TMEM131: variants seen among roughly 807,000 people sequenced by gnomAD.
TMEM131 encodes 2610524E03Rik.
TMEM131 carries 66 observed loss-of-function variants against 211.6 expected under a neutral mutation model. The ratio of observed to expected loss-of-function variants is 0.31; its 90% CI spans 0.26 to 0.38. The LOEUF (loss-of-function observed/expected upper bound fraction) is 0.38, where lower values mean the gene tolerates loss of function less well. TMEM131 is among the 10% of genes least tolerant of loss of function. TMEM131 has a pLI of 1.00. For synonymous variants in TMEM131, 844 were observed against 841.3 expected, an observed-to-expected ratio of 1.00 and a Z score of -0.06; for missense variants, 2,036 against 2,299.3, an observed-to-expected ratio of 0.89 and a Z score of 2.34.
At chr2:97,793,307 A>G in intron 30 of TMEM131, 88 bp downstream of exon 30, 1 of 1,391,038 alleles carries the variant, frequency 7.2e-7, no homozygotes, top group Non-Finnish European at 9.8e-7. Context: ...TCTCCTGAGC[A>G]AAGATGAAAA....
intron 1 of TMEM131, among the ~76,000 whole-genome samples, chr2:97,949,384 G>C (rs1678194500): frequency 6.6e-6 from 1 of 152,052 alleles, no homozygotes; most frequent in South Asian, 2.1e-4. Flanking sequence ...TCTACAAAGG[G>C]TCACAAGGAA....
chr2:97,969,999 A>G (rs1679228010), intron 1 of TMEM131, among the ~76,000 whole-genome samples: 1 of 152,184 alleles, frequency 6.6e-6, no homozygotes, highest in African/African-American at 2.4e-5. Flanking sequence ...ATTCCATTCC[A>G]TTCTCCTTGT....
chr2:97,815,581 T>C (rs1681784975), intron 12 of TMEM131, among the ~76,000 whole-genome samples: 1 of 152,230 alleles, frequency 6.6e-6, no homozygotes, highest in Admixed American at 6.5e-5. Flanking sequence ...TGCTTTGCTG[T>C]AGCCACAGGC....
intron 3 of TMEM131, among the ~76,000 whole-genome samples, chr2:97,901,960 C>T (rs1046332680): frequency 1.3e-5 from 2 of 152,052 alleles, no homozygotes; most frequent in Non-Finnish European, 2.9e-5. Flanking sequence ...GGAAATGTTC[C>T]TAACACAAAG....
At chr2:97,773,187 C>T (rs567883436) in intron 32 of TMEM131, among the ~76,000 whole-genome samples, 3 of 152,326 alleles carry the variant, frequency 2.0e-5, no homozygotes, top group East Asian at 3.9e-4. Flanking sequence ...CGCCTGCCTG[C>T]GATTGCGGCA....
At chr2:97,788,636 C>T (rs1680360597) in intron 31 of TMEM131, among the ~76,000 whole-genome samples, 1 of 152,220 alleles carries the variant, frequency 6.6e-6, no homozygotes, top group Non-Finnish European at 1.5e-5. Flanking sequence ...CTTCCCCCTC[C>T]CTCTTTTTCT....
intron 5 of TMEM131, among the ~76,000 whole-genome samples, chr2:97,847,904 TCAG>T (rs1301566237): frequency 6.6e-6 from 1 of 152,062 alleles, no homozygotes; most frequent in East Asian, 1.9e-4. Flanking sequence ...TAAAAAAAAC[TCAG>T]CAGTATTTTT....
rs532719337 is a variant in TMEM131, at chr2:97,966,391, CA to C, written c.187+29084del. ...ATTTTTTAAAATTTCTTCCACTCTT[CA>C]AATCTTAATTCTTTGAATGTCTTGA... is the stretch of plus-strand genomic sequence containing the variant. On this transcript the variant is annotated intron_variant, in intron 1 of 40. Coordinates refer to ENST00000186436, the MANE Select transcript of TMEM131 (RefSeq NM_015348.2). 6.6e-5 allele frequency among the ~76,000 whole-genome samples: 10 copies of C among 152,170 alleles called. No homozygotes were observed. The South Asian group carries it at 2.1e-3, about 32-fold the overall frequency.
At chr2:97,949,242 AAAG>A (rs2104524783) in intron 1 of TMEM131, among the ~76,000 whole-genome samples, 1 of 152,346 alleles carries the variant, frequency 6.6e-6, no homozygotes, top group East Asian at 1.9e-4. Flanking sequence ...ATGCTGAGTG[AAAG>A]AAGGGAGACA....
At chr2:97,947,876 C>A (rs886209310) in intron 1 of TMEM131, among the ~76,000 whole-genome samples, 1 of 152,124 alleles carries the variant, frequency 6.6e-6, no homozygotes, top group Non-Finnish European at 1.5e-5. Context: ...CAAAAGTAGA[C>A]CCCCACATAT....
At chr2:97,834,543 G>T in intron 10 of TMEM131, 78 bp downstream of exon 10, 1 of 1,036,570 alleles carries the variant, frequency 9.6e-7, no homozygotes, top group Non-Finnish European at 1.4e-6. Context: ...GAATTACATA[G>T]TAGAGCCATT....
At chr2:97,794,737 G>C (rs1680679707) in intron 29 of TMEM131, among the ~76,000 whole-genome samples, 193 bp downstream of exon 29, 1 of 152,186 alleles carries the variant, frequency 6.6e-6, no homozygotes, top group Non-Finnish European at 1.5e-5. Context: ...AAAGAACACT[G>C]TTTATTATAT....
rs1012410007 is a variant in TMEM131 at position 97,995,896 on chromosome 2, C to A, written c.-234G>T. ...CTACAAGCAGTCGGAGCGGAGAGGC[C>A]GCGGGTCAGGCGCGGCGGGCGGCCA... On this transcript the variant is annotated 5_prime_UTR_variant, in exon 1 of 41. Transcript: ENST00000186436. The A allele has an allele frequency of 1.3e-5, 3 of 228,788 alleles. No homozygotes were observed. The highest frequency in any genetic ancestry group is 4.6e-5 in the African/African-American group (2 of 43,494). 14.2% of individuals were successfully genotyped at this position (228,788 alleles called of 1,614,324 possible). A position where few individuals can be genotyped will look rare whatever the true frequency, so the allele number is the denominator to read the frequency against.
intron 1 of TMEM131, among the ~76,000 whole-genome samples, chr2:97,995,070 T>A (rs1165396372): frequency 2.6e-5 from 4 of 152,222 alleles, no homozygotes; most frequent in Non-Finnish European, 4.4e-5. Context: ...TGAAATTTTT[T>A]AAGCTGTGTC....
intron 1 of TMEM131, among the ~76,000 whole-genome samples, chr2:97,939,695 T>C (rs1217819530): frequency 1.3e-5 from 2 of 152,082 alleles, no homozygotes; most frequent in Non-Finnish European, 1.5e-5. Context: ...AACATCCTAA[T>C]ACCAAAGCCT....
intron 7 of TMEM131, among the ~76,000 whole-genome samples, chr2:97,839,403 G>C (rs925238392): frequency 1.3e-5 from 2 of 152,048 alleles, no homozygotes; most frequent in Admixed American, 6.6e-5. Flanking sequence ...ACTGATAACA[G>C]AGAAAATGAA....
intron 1 of TMEM131, among the ~76,000 whole-genome samples, chr2:97,945,309 G>C (rs1677980743): frequency 6.6e-6 from 1 of 152,116 alleles, no homozygotes; most frequent in Non-Finnish European, 1.5e-5. Context: ...GAAGGAATAG[G>C]GTGTGACTCC....
chr2:97,902,499 A>C (rs959418423), intron 3 of TMEM131, among the ~76,000 whole-genome samples: 2 of 152,172 alleles, frequency 1.3e-5, no homozygotes, highest in African/African-American at 4.8e-5. Flanking sequence ...ACGGTTTTTA[A>C]TATACACAGA....
chr2:97,921,337 A>C (rs1034118130), intron 2 of TMEM131, among the ~76,000 whole-genome samples: 1 of 152,240 alleles, frequency 6.6e-6, no homozygotes, highest in East Asian at 1.9e-4. Context: ...TCTCACATCA[A>C]TAACAAAAAT....
Sources: allele counts gnomAD v4.1 joint callset (sites outside exome capture counted in the v4.1 genomes callset), GRCh38; gene constraint gnomAD v4.1.1; transcripts MANE v1.5; gene names NCBI Gene and HGNC (gene_info 2026-07-23, HGNC 2026-07-21).